The following DIP2C variants were observed in gnomAD, a reference collection of about 807,000 sequenced individuals.
The protein encoded by DIP2C is DIP2 acetate--CoA ligase C (putative).
Under a neutral mutation model 192.4 loss-of-function variants are expected in DIP2C, and 33 were observed. The ratio of observed to expected loss-of-function variants is 0.17; its 90% CI spans 0.13 to 0.23. DIP2C has a LOEUF of 0.23. DIP2C is among the 10% of genes least tolerant of loss of function. The pLI is 1.00. For missense variants in DIP2C, 1,537 were observed against 2,110.1 expected (o/e 0.73, Z 5.32); for synonymous variants, 979 against 864.1 (o/e 1.13, Z -2.33).
chr10:329,968 T>G (rs1384937334), intron 29 of DIP2C, among the ~76,000 whole-genome samples: 1 of 152,090 alleles, frequency 6.6e-6, no homozygotes, highest in Non-Finnish European at 1.5e-5. Flanking sequence ...AAAGTCCAGC[T>G]TCAGAACAGG....
chr10:605,936 C>T (rs1302684993), intron 1 of DIP2C, among the ~76,000 whole-genome samples: 1 of 152,160 alleles, frequency 6.6e-6, no homozygotes, highest in Non-Finnish European at 1.5e-5. Flanking sequence ...TCCACATATG[C>T]ATCCTGCTGG....
At chr10:577,378 C>T (rs1850237652) in intron 1 of DIP2C, among the ~76,000 whole-genome samples, 1 of 152,234 alleles carries the variant, frequency 6.6e-6, no homozygotes. Context: ...AGAAATTAGT[C>T]ACGTTTAAGT....
intron 1 of DIP2C, among the ~76,000 whole-genome samples, chr10:598,687 C>G (rs139320080): frequency 6.6e-6 from 1 of 152,116 alleles, no homozygotes; most frequent in African/African-American, 2.4e-5. Flanking sequence ...CATGAGAGCT[C>G]AAGAGAAAAT....
Position 382,776 on chromosome 10 carries a change from G to C in DIP2C, c.1877-15C>G. On this transcript the variant is annotated splice_polypyrimidine_tract_variant and intron_variant, in intron 16 of 36. Coordinates refer to ENST00000280886, the MANE Select transcript of DIP2C (RefSeq NM_014974.3). ...AGAAATAGACCCTAGAGTGAAAGAGGGACAATGATCAGACAGCTGAAGCAC... is the reference window on the plus strand; with the variant it reads ...AGAAATAGACCCTAGAGTGAAAGAGCGACAATGATCAGACAGCTGAAGCAC... The C allele has an allele frequency of 6.4e-7, 1 of 1,567,136 alleles. No homozygotes were observed. The highest frequency in any genetic ancestry group is 8.7e-7 in the Non-Finnish European group (1 of 1,145,086).
At chr10:339,421 C>T (rs1958034352) in intron 29 of DIP2C, among the ~76,000 whole-genome samples, 6 of 152,160 alleles carry the variant, frequency 3.9e-5, no homozygotes, top group Admixed American at 3.3e-4. Context: ...TTCATCGCAA[C>T]CTGGACAAAC....
rs568797890 is a variant in DIP2C, at chr10:598,970, C to G, written c.85+90524G>C. 7.9e-5 allele frequency among the ~76,000 whole-genome samples: 12 copies of G among 152,364 alleles called. No individual in the cohort carries two copies. The South Asian group carries it at 2.1e-3, about 26-fold the overall frequency. ...TCCAACAACGACTTTCTGCATCGAGCCTTTGAGGCACAGGCACGGCCCCCG... is the reference window on the plus strand; with the variant it reads ...TCCAACAACGACTTTCTGCATCGAGGCTTTGAGGCACAGGCACGGCCCCCG... On this transcript the variant is annotated intron_variant, in intron 1 of 36. Coordinates refer to ENST00000280886, the MANE Select transcript of DIP2C (RefSeq NM_014974.3).
chr10:289,206 G>GGGACAGGGTGC (rs1034844176), intron 32 of DIP2C, among the ~76,000 whole-genome samples: 5 of 151,096 alleles, frequency 3.3e-5, no homozygotes, highest in Non-Finnish European at 7.4e-5. Context: ...CTCCCACCTG[G>GGGACAGGGTGC]GGACAGGGTG....
intron 1 of DIP2C, among the ~76,000 whole-genome samples, chr10:544,398 C>T (rs1029217055): frequency 6.6e-6 from 1 of 152,210 alleles, no homozygotes; most frequent in Non-Finnish European, 1.5e-5. Flanking sequence ...TATGAAGATT[C>T]TTGCATAAGA....
rs1589850706 is a variant in DIP2C, at chr10:463,385, C to A, written c.268+9054G>T. Among the ~76,000 whole-genome samples the A allele has an allele frequency of 2.0e-5, 3 of 152,174 alleles. No individual in the cohort carries two copies. The East Asian group carries it at 5.8e-4, about 29-fold the overall frequency. On this transcript the variant is annotated intron_variant, in intron 3 of 36. Coordinates refer to ENST00000280886, the MANE Select transcript of DIP2C (RefSeq NM_014974.3). ...CCAACAGGGGGCCAAATCATGAACTCCCATTCACAATTGCTACAAAGAGAA... is the reference window on the plus strand; with the variant it reads ...CCAACAGGGGGCCAAATCATGAACTACCATTCACAATTGCTACAAAGAGAA...
chr10:613,398 G>A lies in DIP2C; in HGVS notation c.85+76096C>T, dbSNP rs117223940. ...GAGCTGAGATGTGAATGTCTGGAAC[G>A]TGCCTGCCAGGCCCGGGAGGAACTG... On this transcript the variant is annotated intron_variant, in intron 1 of 36. Coordinates refer to ENST00000280886, the MANE Select transcript of DIP2C (RefSeq NM_014974.3). Among the ~76,000 whole-genome samples, 1,340 of 152,290 alleles carry A rather than the reference G, an allele frequency of 8.8e-3. 12 individuals are homozygous for A. Among genetic ancestry groups the A allele is most frequent in the Middle Eastern group, 0.02 (6 of 294 alleles).
intron 17 of DIP2C, among the ~76,000 whole-genome samples, chr10:370,734 T>C (rs1589633598): frequency 6.6e-6 from 1 of 152,260 alleles, no homozygotes; most frequent in Admixed American, 6.5e-5. Flanking sequence ...GTTTCTGTAA[T>C]TTTCCATTTA....
intron 8 of DIP2C, among the ~76,000 whole-genome samples, chr10:411,864 T>C (rs1965211946): frequency 6.6e-6 from 1 of 152,256 alleles, no homozygotes; most frequent in East Asian, 1.9e-4. Flanking sequence ...TGCGTTTTCA[T>C]CTGATAAGCT....
chr10:541,316 C>T lies in DIP2C; in HGVS notation c.86-54786G>A, dbSNP rs190015724. ...CACAGGTTAAATGTCAAAGCACAGA[C>T]ATGCTCAGGTCCAGCTGCTCAGCCA... On this transcript the variant is annotated intron_variant, in intron 1 of 36. Transcript: ENST00000280886. Among the ~76,000 whole-genome samples, 114 of 152,272 alleles carry T rather than the reference C, an allele frequency of 7.5e-4. 1 individual carries two copies. The highest frequency in any genetic ancestry group is 2.6e-3 in the African/African-American group (106 of 41,548).
At chr10:582,239 C>G (rs772733650) in intron 1 of DIP2C, among the ~76,000 whole-genome samples, 1 of 152,198 alleles carries the variant, frequency 6.6e-6, no homozygotes, top group African/African-American at 2.4e-5. Context: ...AGCACCCACA[C>G]CAGCCCAGGT....
At chr10:571,484 C>T (rs988773703) in intron 1 of DIP2C, among the ~76,000 whole-genome samples, 3 of 151,770 alleles carry the variant, frequency 2.0e-5, no homozygotes, top group African/African-American at 7.3e-5. Context: ...TCCTTCACTC[C>T]CATTCTCCCT....
intron 18 of DIP2C, among the ~76,000 whole-genome samples, chr10:367,385 C>A (rs556074543): frequency 9.2e-5 from 14 of 151,442 alleles, no homozygotes; most frequent in Non-Finnish European, 1.9e-4. Context: ...CCACTGCACT[C>A]CAGCCTGGGC....
chr10:473,025 A>C (rs368306558), intron 2 of DIP2C, among the ~76,000 whole-genome samples: 17 of 152,168 alleles, frequency 1.1e-4, no homozygotes, highest in African/African-American at 3.6e-4. Context: ...TAACCAGGAC[A>C]TACCATGAAC....
chr10:347,302 T>C (rs1415102032), intron 26 of DIP2C, among the ~76,000 whole-genome samples: 1 of 26,246 alleles, frequency 3.8e-5, no homozygotes, highest in Non-Finnish European at 6.9e-5. Flanking sequence ...AACCCCACAC[T>C]CACCCAACCC....
At chr10:592,651 T>G (rs1301996378) in intron 1 of DIP2C, among the ~76,000 whole-genome samples, 1 of 152,162 alleles carries the variant, frequency 6.6e-6, no homozygotes, top group African/African-American at 2.4e-5. Flanking sequence ...TGGAGGCACA[T>G]CTAGAAAAAA....
Sources: gnomAD v4.1 joint callset for allele counts (sites outside exome capture counted in the v4.1 genomes callset) on GRCh38, gnomAD v4.1.1 for gene constraint, MANE v1.5 for transcripts, NCBI Gene and HGNC (gene_info 2026-07-23, HGNC 2026-07-21) for gene names.